MYOM1: variants seen among roughly 807,000 people sequenced by gnomAD.
MYOM1 encodes myomesin 1, also known as myomesin-1.
MYOM1 carries 164 observed loss-of-function variants against 205.3 expected under a neutral mutation model. The ratio of observed to expected loss-of-function variants is 0.80; its 90% CI spans 0.70 to 0.91. The LOEUF (loss-of-function observed/expected upper bound fraction) is 0.91. Ranked by LOEUF, MYOM1 falls within the 40% of genes least tolerant of loss-of-function variation. MYOM1 has a pLI of 0.00. For synonymous variants in MYOM1, 772 were observed against 789.4 expected, an observed-to-expected ratio of 0.98 and a Z score of 0.37; for missense variants, 2,011 against 2,127.3, an observed-to-expected ratio of 0.95 and a Z score of 1.08.
chr18:3,169,078 A>AAAAAAT, intron 8 of MYOM1, 97 bp from the exon 9 acceptor site: 1 of 1,078,266 alleles, frequency 9.3e-7, no homozygotes, highest in Non-Finnish European at 1.3e-6. Flanking sequence ...ACAGCAAAAA[A>AAAAAAT]AAAATGAACA....
At position 3,187,942 on chromosome 18, in the gene MYOM1, G is replaced by A. The variant is rs372972767; in HGVS notation, c.772-305C>T. Among the ~76,000 whole-genome samples the A allele has an allele frequency of 6.2e-5, 9 of 146,142 alleles. No homozygotes were observed. In the East Asian group the frequency reaches 9.8e-4, roughly 16 times the overall value. ...CAGCCTCTGCCTCCCAGGTTCATGC[G>A]ATTCTTGTGCCTCAGCCTCCCGAGT... On this transcript the variant is annotated intron_variant, in intron 4 of 37. Coordinates refer to ENST00000356443, the MANE Select transcript of MYOM1 (RefSeq NM_003803.4).
At position 3,116,460 on chromosome 18, in the gene MYOM1, C is replaced by T; in HGVS notation, c.3174G>A (p.Gln1058=). Residue 1058 remains glutamine, a synonymous_variant, in exon 21 of 38, where the codon CAG becomes CAA. Transcript: ENST00000356443. ...SEVRKDSLVL[Q]WKPPVHSGRT... is the part of the protein sequence containing the mutation. ...GCCCGGAGTGGACTGGCGGCTTCCA[C>T]TGGAGAACCAGTGAGTCTTTCCTGA... 1.2e-6 allele frequency: 2 copies of T among 1,611,198 alleles called. No homozygotes were observed. Among genetic ancestry groups the T allele is most frequent in the Non-Finnish European group, 1.7e-6 (2 of 1,178,380 alleles).
intron 20 of MYOM1, among the ~76,000 whole-genome samples, chr18:3,119,557 G>C (rs930191851): frequency 6.6e-6 from 1 of 152,160 alleles, no homozygotes; most frequent in African/African-American, 2.4e-5. Context: ...CAAAAACAAA[G>C]ATTGGAATTC....
intron 2 of MYOM1, among the ~76,000 whole-genome samples, chr18:3,208,234 G>T (rs1037958733): frequency 1.3e-5 from 2 of 152,178 alleles, no homozygotes; most frequent in Non-Finnish European, 2.9e-5. Flanking sequence ...AACAGGCCAG[G>T]CACGGTGGCA....
chr18:3,168,949 A>G lies in MYOM1; in HGVS notation c.1207T>C (p.Phe403Leu). Residue 403 changes from phenylalanine to leucine, a missense_variant, in exon 9 of 38, where the codon TTT (phenylalanine) becomes CTT (leucine). By Grantham distance (22) the Phe-to-Leu change is conservative (BLOSUM62 0). Coordinates refer to ENST00000356443, the MANE Select transcript of MYOM1 (RefSeq NM_003803.4). ...AATTTGTCATCAAAGTGGATCTCAA[A>G]CCGGGATGCATAACCATATGGGGTC... ...GVTPYGYASRFEIHFDDKFDV... is the reference protein window; with the variant it reads ...GVTPYGYASRLEIHFDDKFDV... The G allele has an allele frequency of 6.2e-7, 1 of 1,613,518 alleles. No individual in the cohort carries two copies. The highest frequency in any genetic ancestry group is 8.5e-7 in the Non-Finnish European group (1 of 1,179,688).
chr18:3,145,729 A>C (rs895551069), intron 13 of MYOM1, among the ~76,000 whole-genome samples: 1 of 152,092 alleles, frequency 6.6e-6, no homozygotes, highest in Admixed American at 6.5e-5. Context: ...CAAGAAAAAA[A>C]CCCAGCAAAT....
intron 19 of MYOM1, among the ~76,000 whole-genome samples, chr18:3,122,911 T>C (rs11664405): frequency 0.15 from 22,722 of 152,142 alleles, 1,903 homozygotes; most frequent in East Asian, 0.33. Flanking sequence ...TAACACACAA[T>C]ACAGTATTTA....
At position 3,151,897 on chromosome 18, in the gene MYOM1, A is replaced by C. The variant is rs764016384; in HGVS notation, c.1644-4T>G. On this transcript the variant is annotated splice_region_variant and splice_polypyrimidine_tract_variant and intron_variant, in intron 11 of 37. Transcript: ENST00000356443. ...GCTATCTGTGCCCACCTCACACCTAAAGGAATGAGCGTGATTGACAAAAAT... is the reference window on the plus strand; with the variant it reads ...GCTATCTGTGCCCACCTCACACCTACAGGAATGAGCGTGATTGACAAAAAT... 2.5e-6 allele frequency: 4 copies of C among 1,610,836 alleles called. No homozygotes were observed. The highest frequency in any genetic ancestry group is 1.7e-5 in the Admixed American group (1 of 59,786).
Position 3,193,818 on chromosome 18 carries a change from C to G in MYOM1, c.431G>C (p.Arg144Pro). 1.2e-6 allele frequency: 2 copies of G among 1,610,886 alleles called. No homozygotes were observed. The highest frequency in any genetic ancestry group is 1.7e-6 in the Non-Finnish European group (2 of 1,178,612). ...AGCCAGGAAGAAAAAGCACACTCACCGTCCTGAGAAAATGGGTACCATGTA... is the reference window on the plus strand; with the variant it reads ...AGCCAGGAAGAAAAAGCACACTCACGGTCCTGAGAAAATGGGTACCATGTA... ...SDYMVPIFSG[R>P]QKHVSGITDT... The change falls in exon 3 of 38, where the codon CGT becomes CCT. Residue 144 changes from arginine (R) to proline (P), a missense_variant and splice_region_variant. Transcript: ENST00000356443.
At position 3,112,521 on chromosome 18, in the gene MYOM1, C is replaced by T; in HGVS notation, c.3304-109G>A. 3 of 707,928 alleles carry T rather than the reference C, an allele frequency of 4.2e-6. No individual in the cohort carries two copies. In the Admixed American group the frequency reaches 9.6e-5, roughly 23 times the overall value. The allele number at this position is 707,928 out of a possible 1,614,324, so 43.9% of individuals were successfully genotyped here. A position where few individuals can be genotyped will look rare whatever the true frequency, so the allele number is the denominator to read the frequency against. ...CTGTAGTAATGATTTAGTGACCTAG[C>T]ACCAGGGATACAAGACTTGTGGTCT... On this transcript the variant is annotated intron_variant, in intron 21 of 37. Transcript: ENST00000356443.
the MYOM1 span, among the ~76,000 whole-genome samples, chr18:3,234,644 T>A: frequency 6.6e-6 from 1 of 150,830 alleles, no homozygotes; most frequent in South Asian, 2.2e-4. Context: ...TCTCACAGCA[T>A]TTTGAAGCTA....
At position 3,219,839 on chromosome 18, in the gene MYOM1, G is replaced by C. The variant is rs552309496; in HGVS notation, c.-65C>G. 6.6e-6 allele frequency: 1 copy of C among 152,294 alleles called. No homozygotes were observed. The highest frequency in any genetic ancestry group is 1.5e-5 in the Non-Finnish European group (1 of 68,116). The allele number at this position is 152,294 out of a possible 1,614,324, so 9.4% of individuals were successfully genotyped here. A position where few individuals can be genotyped will look rare whatever the true frequency, so the allele number is the denominator to read the frequency against. Reference sequence around the variant, plus strand: ...GGAGTAATGGTGGTGGAAATGTTCCGATGAGGCCGAGGAGCTGGATGAGAG... The same window carrying C: ...GGAGTAATGGTGGTGGAAATGTTCCCATGAGGCCGAGGAGCTGGATGAGAG... On this transcript the variant is annotated 5_prime_UTR_variant, in exon 1 of 38. The change creates a new upstream start codon in the 5' untranslated region. Transcript: ENST00000356443. The surrounding 1 kb of genome is among the most constrained non-coding windows in gnomAD (Gnocchi z 4.4).
rs543518662 is a variant in MYOM1 at position 3,209,024 on chromosome 18, G to A, written c.290+5910C>T. ...GATTCAGTCACTTCAGTCTCCAGAT[G>A]GATTTGAGTCTCCATACAACTATGG... is the stretch of plus-strand genomic sequence containing the variant. On this transcript the variant is annotated intron_variant, in intron 2 of 37. Transcript: ENST00000356443. This position sits in a 1 kb window ranked among gnomAD's most constrained non-coding sequence, Gnocchi z 4.0. Among the ~76,000 whole-genome samples, 1 of 152,120 alleles carries A rather than the reference G, an allele frequency of 6.6e-6. No homozygotes were observed. Among genetic ancestry groups the A allele is most frequent in the Non-Finnish European group, 1.5e-5 (1 of 68,020 alleles).
chr18:3,155,160 C>T, intron 10 of MYOM1, 72 bp from the exon 11 acceptor site: 7 of 1,460,612 alleles, frequency 4.8e-6, no homozygotes, highest in Non-Finnish European at 6.4e-6. Context: ...TCTCAGCGCA[C>T]ACGCTTCTTA....
chr18:3,105,134 G>A (rs1417252992), intron 22 of MYOM1, among the ~76,000 whole-genome samples: 1 of 152,040 alleles, frequency 6.6e-6, no homozygotes, highest in Non-Finnish European at 1.5e-5. Context: ...AAGACAGGGA[G>A]GTAAGAAGCT....
rs73375192 is a variant in MYOM1, at chr18:3,188,717, T to C, written c.771+31A>G. 0.062 allele frequency: 93,100 copies of C among 1,502,092 alleles called. 3,744 individuals carry two copies. The highest frequency in any genetic ancestry group is 0.19 in the African/African-American group (13,596 of 71,882). 93.0% of individuals were successfully genotyped at this position (1,502,092 alleles called of 1,614,324 possible). On this transcript the variant is annotated intron_variant, in intron 4 of 37. Transcript: ENST00000356443. ...CCCCTTATGACATGCATTTCCACCT[T>C]TGTAAGTTACTTTAAACTGTCTTTT...
At chr18:3,231,001 G>A in the MYOM1 span, among the ~76,000 whole-genome samples, 1 of 152,194 alleles carries the variant, frequency 6.6e-6, no homozygotes, top group African/African-American at 2.4e-5. Flanking sequence ...AGTTCCAGCT[G>A]GCTCTCAAGC....
chr18:3,183,425 G>C (rs969812199), intron 5 of MYOM1, among the ~76,000 whole-genome samples: 1 of 152,182 alleles, frequency 6.6e-6, no homozygotes, highest in East Asian at 1.9e-4. Context: ...GGATTGGTTG[G>C]AGAGCGGCTG....
intron 36 of MYOM1, among the ~76,000 whole-genome samples, chr18:3,073,683 C>T (rs1027971466): frequency 1.3e-5 from 2 of 152,190 alleles, no homozygotes; most frequent in African/African-American, 2.4e-5. Context: ...TTTAACCAAT[C>T]GAATGTTGCC....
Sources: allele counts gnomAD v4.1 joint callset (sites outside exome capture counted in the v4.1 genomes callset), GRCh38; gene constraint gnomAD v4.1.1; non-coding constraint Gnocchi (gnomAD v3.1); transcripts MANE v1.5; gene names NCBI Gene and HGNC (gene_info 2026-07-23, HGNC 2026-07-21).